PLEKHA6: variants seen among roughly 807,000 people sequenced by gnomAD.
The protein encoded by PLEKHA6 is pleckstrin homology domain-containing family A member 6.
PLEKHA6 carries 60 observed loss-of-function variants against 116.7 expected under a neutral mutation model. The ratio of observed to expected loss-of-function variants is 0.51; its 90% confidence interval spans 0.42 to 0.64. The LOEUF (loss-of-function observed/expected upper bound fraction) is 0.64. Ranked by LOEUF, PLEKHA6 falls within the 30% of genes least tolerant of loss-of-function variation. The pLI, the probability that PLEKHA6 is intolerant of heterozygous loss-of-function variation, is 0.00. For missense variants in PLEKHA6, 1,338 were observed against 1,422.7 expected, an observed-to-expected ratio of 0.94 and a Z score of 0.96; for synonymous variants, 489 against 556.1, an observed-to-expected ratio of 0.88 and a Z score of 1.70.
chr1:204,259,446 C>T lies in PLEKHA6; in HGVS notation c.819G>A (p.Gln273=), dbSNP rs1169492940. The T allele has an allele frequency of 2.2e-5, 35 of 1,614,108 alleles. No individual in the cohort carries two copies. The highest frequency in any genetic ancestry group is 2.6e-5 in the Non-Finnish European group (31 of 1,180,046). Residue 273 remains glutamine (Q), a synonymous_variant, in exon 8 of 23, where the codon CAG becomes CAA. Coordinates refer to ENST00000272203, the MANE Select transcript of PLEKHA6 (RefSeq NM_014935.5). This position sits in a 1 kb window ranked among gnomAD's most constrained non-coding sequence, Gnocchi z 4.6. The part of the protein sequence containing the change: ...GEQPAQPNGW[Q]YHSPSRPGST... ...TCCCTGGCCGGCTTGGGGAGTGGTACTGCCAGCCATTGGGCTGGGCAGGCT... is the reference window on the plus strand; with the variant it reads ...TCCCTGGCCGGCTTGGGGAGTGGTATTGCCAGCCATTGGGCTGGGCAGGCT...
At chr1:204,343,062 A>C (rs1672902862) in intron 1 of PLEKHA6, among the ~76,000 whole-genome samples, 1 of 152,206 alleles carries the variant, frequency 6.6e-6, no homozygotes, top group African/African-American at 2.4e-5. Flanking sequence ...AACTCAGATC[A>C]CATCTTTTAT....
intron 13 of PLEKHA6, 145 bp from the exon 14 acceptor site, chr1:204,245,871 CACACA>C: frequency 3.6e-6 from 2 of 561,530 alleles, no homozygotes; most frequent in East Asian, 3.1e-5. Context: ...CACACACACA[CACACA>C]CATGCCCCTC....
intron 3 of PLEKHA6, among the ~76,000 whole-genome samples, chr1:204,268,867 G>C (rs1162837670): frequency 1.3e-5 from 2 of 152,136 alleles, no homozygotes; most frequent in African/African-American, 4.8e-5. Flanking sequence ...ATCTCCCACT[G>C]TTTAATCCTT....
rs1424363779 is a variant in PLEKHA6 at position 204,259,939 on chromosome 1, C to T, written c.525-199G>A. On this transcript the variant is annotated intron_variant, in intron 7 of 22. Coordinates refer to ENST00000272203, the MANE Select transcript of PLEKHA6 (RefSeq NM_014935.5). The surrounding 1 kb of genome is among the most constrained non-coding windows in gnomAD (Gnocchi z 4.6). ...TCCAGCCTGGGAAATTATTATACAA[C>T]CTAATCCGCCCCTGCCCACACCTGC... 6.6e-6 allele frequency among the ~76,000 whole-genome samples: 1 copy of T among 152,104 alleles called. No homozygotes were observed. The highest frequency in any genetic ancestry group is 1.5e-5 in the Non-Finnish European group (1 of 68,018).
chr1:204,366,274 A>G (rs963985739), intron 3 of PLEKHA6, among the ~76,000 whole-genome samples: 2 of 152,262 alleles, frequency 1.3e-5, no homozygotes, highest in Non-Finnish European at 2.9e-5. Flanking sequence ...ATTTGGGTCC[A>G]AACAGGAAAA....
rs542299805 is a variant in PLEKHA6, at chr1:204,228,516, G to T, written c.2885+212C>A. On this transcript the variant is annotated intron_variant, in intron 20 of 22. Transcript: ENST00000272203. The surrounding 1 kb of genome is among the most constrained non-coding windows in gnomAD (Gnocchi z 4.0). The stretch of plus-strand genomic sequence containing the variant: ...GGCGAGCCTTCAGTTTTGTCTCGAT[G>T]GTGTGGTGTGCACGAGCCTGGCAGG... Among the ~76,000 whole-genome samples the T allele has an allele frequency of 1.2e-4, 19 of 152,128 alleles. No homozygotes were observed. The highest frequency in any genetic ancestry group is 1.8e-4 in the Non-Finnish European group (12 of 68,012).
At chr1:204,328,046 T>TTTTATTTATTTA (rs200664605) in intron 1 of PLEKHA6, among the ~76,000 whole-genome samples, 1 of 142,474 alleles carries the variant, frequency 7.0e-6, no homozygotes, top group Admixed American at 7.0e-5. Flanking sequence ...CTTTTATTTA[T>TTTTATTTATTTA]TTTATTTATT....
chr1:204,237,735 C>G (rs867910875), intron 17 of PLEKHA6, among the ~76,000 whole-genome samples: 3 of 152,356 alleles, frequency 2.0e-5, no homozygotes, highest in Non-Finnish European at 2.9e-5. Context: ...TACTGTCCTA[C>G]CTCAGGGGTG....
rs181608763 is a variant in PLEKHA6, at chr1:204,226,854, A to G, written c.3031+1229T>C. Among the ~76,000 whole-genome samples the G allele has an allele frequency of 3.3e-5, 5 of 152,302 alleles. No homozygotes were observed. The East Asian group carries it at 9.6e-4, about 29-fold the overall frequency. On this transcript the variant is annotated intron_variant, in intron 21 of 22. Coordinates refer to ENST00000272203, the MANE Select transcript of PLEKHA6 (RefSeq NM_014935.5). ...GACAAATGGTTTCTATTTCTACTTC[A>G]TCTATTGCTATTTCAACTACTACTA...
At chr1:204,249,877 C>T (rs760492464) in intron 10 of PLEKHA6, among the ~76,000 whole-genome samples, 44 of 152,118 alleles carry the variant, frequency 2.9e-4, no homozygotes, top group Admixed American at 2.5e-3. Context: ...TTTCCTAGTC[C>T]GCACCTTTAT....
At chr1:204,341,203 G>A (rs1672834696) in intron 1 of PLEKHA6, among the ~76,000 whole-genome samples, 1 of 152,224 alleles carries the variant, frequency 6.6e-6, no homozygotes. Flanking sequence ...GGTTGTTAGA[G>A]ATTATCTGGC....
At chr1:204,374,546 G>T (rs999343452) in intron 1 of PLEKHA6, among the ~76,000 whole-genome samples, 2 of 152,186 alleles carry the variant, frequency 1.3e-5, no homozygotes, top group African/African-American at 4.8e-5. Flanking sequence ...CTCTGGAGAA[G>T]AGGTAGCCCT....
At chr1:204,281,375 A>G (rs901329077) in intron 1 of PLEKHA6, among the ~76,000 whole-genome samples, 1 of 151,598 alleles carries the variant, frequency 6.6e-6, no homozygotes, top group African/African-American at 2.4e-5. Flanking sequence ...AATACAAAAA[A>G]TTAGCCGGGC....
intron 1 of PLEKHA6, among the ~76,000 whole-genome samples, chr1:204,342,395 G>C (rs1672878904): frequency 6.6e-6 from 1 of 152,212 alleles, no homozygotes; most frequent in Non-Finnish European, 1.5e-5. Flanking sequence ...AAATAGTACA[G>C]AAATAGCTTT....
chr1:204,373,375 A>C (rs1673811572), intron 1 of PLEKHA6, among the ~76,000 whole-genome samples: 1 of 143,466 alleles, frequency 7.0e-6, no homozygotes, highest in Non-Finnish European at 1.5e-5. Context: ...GAGCCACTGC[A>C]CCTGGTCTCT....
At chr1:204,330,903 C>G (rs1488691749) in intron 1 of PLEKHA6, among the ~76,000 whole-genome samples, 1 of 152,132 alleles carries the variant, frequency 6.6e-6, no homozygotes, top group Admixed American at 6.5e-5. Context: ...CTGGAAAGAA[C>G]AAGCATCTCG....
In PLEKHA6 at chr1:204,245,521, A is replaced by G. The variant is rs1270209350; in HGVS notation, c.2032+94T>C. 3.9e-6 allele frequency: 3 copies of G among 763,338 alleles called. No individual in the cohort carries two copies. The African/African-American group carries it at 5.1e-5, about 13-fold the overall frequency. 47.3% of individuals were successfully genotyped at this position (763,338 alleles called of 1,614,324 possible). ...GAAGGCCCTGCCTGGCTCTGAACAC[A>G]GTGTGAGCTGGCAGGAGTGGGATGG... is the stretch of plus-strand genomic sequence containing the variant. On this transcript the variant is annotated intron_variant, in intron 14 of 22. Transcript: ENST00000272203.
chr1:204,249,359 A>G, intron 10 of PLEKHA6, 95 bp from the exon 11 acceptor site: 2 of 900,712 alleles, frequency 2.2e-6, no homozygotes, highest in Non-Finnish European at 3.7e-6. Flanking sequence ...TGGCCTCTGG[A>G]TACCCCCCTC....
rs190857965 is a variant in PLEKHA6, at chr1:204,372,933, G to T, written c.84-1327C>A. Among the ~76,000 whole-genome samples, 64 of 148,732 alleles carry T rather than the reference G, an allele frequency of 4.3e-4. No individual in the cohort carries two copies. In the East Asian group the frequency reaches 0.011, roughly 26 times the overall value. ...AAAAACTTTTTTTTTTTTTTTTGAC[G>T]GTCTCACTCTGCCATCCAGACTGGA... is the stretch of plus-strand genomic sequence containing the variant. On this transcript the variant is annotated intron_variant, in intron 1 of 4. Transcript: ENST00000564627.
Sources: allele counts gnomAD v4.1 joint callset (sites outside exome capture counted in the v4.1 genomes callset), GRCh38; gene constraint gnomAD v4.1.1; non-coding constraint Gnocchi (gnomAD v3.1); transcripts MANE v1.5; gene names NCBI Gene and HGNC (gene_info 2026-07-23, HGNC 2026-07-21).